The following UGCG variants were observed in gnomAD, a reference collection of about 807,000 sequenced individuals.
UGCG encodes UDP-glucose ceramide glucosyltransferase, also known as ceramide glucosyltransferase.
UGCG carries 10 observed loss-of-function variants against 49.5 expected under a neutral mutation model. The observed-to-expected ratio is 0.20, with a 90% confidence interval of 0.12 to 0.34. UGCG has a LOEUF of 0.34. UGCG is among the 10% of genes least tolerant of loss of function. The pLI is 1.00. For synonymous variants in UGCG, 182 were observed against 158.2 expected, an observed-to-expected ratio of 1.15 and a Z score of -1.13; for missense variants, 312 against 483.7, an observed-to-expected ratio of 0.65 and a Z score of 3.33.
chr9:111,910,546 T>G (rs973931678), intron 1 of UGCG, among the ~76,000 whole-genome samples: 7 of 152,172 alleles, frequency 4.6e-5, no homozygotes. Flanking sequence ...GTATTACTTG[T>G]CTTTTGAGTT....
At chr9:111,924,306 AATTAACAT>A (rs1160912280) in intron 3 of UGCG, among the ~76,000 whole-genome samples, 8 of 152,362 alleles carry the variant, frequency 5.3e-5, no homozygotes, top group African/African-American at 1.9e-4. Context: ...AAATTAAGTT[AATTAACAT>A]ATGCATTACC....
At chr9:111,916,342 C>G (rs1838109311) in intron 2 of UGCG, among the ~76,000 whole-genome samples, 1 of 152,156 alleles carries the variant, frequency 6.6e-6, no homozygotes, top group Non-Finnish European at 1.5e-5. Context: ...CTTTCACTTT[C>G]CCCATTCAAC....
At position 111,934,237 on chromosome 9, in the gene UGCG, G is replaced by C. The variant is rs1838476154; in HGVS notation, c.*1240G>C. 1.3e-5 allele frequency: 2 copies of C among 151,624 alleles called. No homozygotes were observed. The highest frequency in any genetic ancestry group is 1.3e-4 in the Admixed American group (2 of 15,224). The allele number at this position is 151,624 out of a possible 1,614,324, so 9.4% of individuals were successfully genotyped here. ...TTATATGACAAAATAGACTAGATCAGCGCTGGTTGTAAATGCATGCTGTAC... is the reference window on the plus strand; with the variant it reads ...TTATATGACAAAATAGACTAGATCACCGCTGGTTGTAAATGCATGCTGTAC... On this transcript the variant is annotated 3_prime_UTR_variant, in exon 9 of 9. Coordinates refer to ENST00000374279, the MANE Select transcript of UGCG (RefSeq NM_003358.3).
At chr9:111,931,099 C>T (rs1240126887) in intron 6 of UGCG, among the ~76,000 whole-genome samples, 172 bp from the exon 7 acceptor site, 1 of 152,164 alleles carries the variant, frequency 6.6e-6, no homozygotes, top group Non-Finnish European at 1.5e-5. Flanking sequence ...AGCATAATTG[C>T]TAAAACATCC....
chr9:111,918,724 G>A (rs1838155324), intron 2 of UGCG, among the ~76,000 whole-genome samples: 1 of 152,000 alleles, frequency 6.6e-6, no homozygotes, highest in Non-Finnish European at 1.5e-5. Context: ...ACGAGGTCAG[G>A]AGATCGAGAC....
At chr9:111,927,725 A>G (rs1351461422) in intron 5 of UGCG, among the ~76,000 whole-genome samples, 1 of 152,234 alleles carries the variant, frequency 6.6e-6, no homozygotes, top group Admixed American at 6.5e-5. Flanking sequence ...TGCTGGGATT[A>G]CAGGCGTGAG....
Position 111,933,174 on chromosome 9 carries a change from T to C in UGCG, c.*177T>C. On this transcript the variant is annotated 3_prime_UTR_variant, in exon 9 of 9. Coordinates refer to ENST00000374279, the MANE Select transcript of UGCG (RefSeq NM_003358.3). ...GTGAAAAAAAAAAAAAACACATCTG[T>C]AGTCTTGGCCAAATGATACACTTTA... 2.0e-6 allele frequency: 1 copy of C among 492,538 alleles called. No homozygotes were observed. The highest frequency in any genetic ancestry group is 3.1e-6 in the Non-Finnish European group (1 of 324,072). The allele number at this position is 492,538 out of a possible 1,614,324, so 30.5% of individuals were successfully genotyped here. A position where few individuals can be genotyped will look rare whatever the true frequency, so the allele number is the denominator to read the frequency against.
intron 5 of UGCG, among the ~76,000 whole-genome samples, chr9:111,927,731 G>T (rs566547693): frequency 6.6e-6 from 1 of 152,172 alleles, no homozygotes; most frequent in African/African-American, 2.4e-5. Context: ...GATTACAGGC[G>T]TGAGCCACCA....
intron 2 of UGCG, among the ~76,000 whole-genome samples, chr9:111,920,102 T>G (rs975684046): frequency 5.9e-5 from 9 of 152,150 alleles, no homozygotes; most frequent in African/African-American, 2.2e-4. Flanking sequence ...TTATCTGGTC[T>G]CTGGAGACCA....
At chr9:111,904,105 G>A (rs963715521) in intron 1 of UGCG, among the ~76,000 whole-genome samples, 1 of 152,188 alleles carries the variant, frequency 6.6e-6, no homozygotes, top group Non-Finnish European at 1.5e-5. Flanking sequence ...CCACAGTTGT[G>A]TCCAGCACCT....
chr9:111,926,475 C>A lies in UGCG; in HGVS notation c.537C>A (p.Gly179=). Reference sequence around the variant, plus strand: ...TGCCTTACGTAGCAGACAGACAGGGCTTTGCTGCCACCTTAGAGCAGGTGA... The same window carrying A: ...TGCCTTACGTAGCAGACAGACAGGGATTTGCTGCCACCTTAGAGCAGGTGA... ...HGLPYVADRQ[G]FAATLEQVYF... Residue 179 remains glycine (G), a synonymous_variant, in exon 5 of 9, where the codon GGC becomes GGA. Transcript: ENST00000374279. The A allele has an allele frequency of 1.2e-6, 2 of 1,609,652 alleles. No homozygotes were observed. The highest frequency in any genetic ancestry group is 1.7e-6 in the Non-Finnish European group (2 of 1,177,178).
rs763141861 is a variant in UGCG, at chr9:111,926,396, C to T, written c.458C>T (p.Thr153Met). Residue 153 changes from threonine (T) to methionine (M), a missense_variant, in exon 5 of 9, where the codon ACG becomes ATG. Thr to Met is a moderately conservative substitution (Grantham distance 81, BLOSUM62 -1). Transcript: ENST00000374279. ...CDSGIRVIPD[T>M]LTDMVNQMTE... ...TTTTAAATTGTAGTAATTCCAGATACGCTTACTGACATGGTGAATCAAATG... is the reference window on the plus strand; with the variant it reads ...TTTTAAATTGTAGTAATTCCAGATATGCTTACTGACATGGTGAATCAAATG... 5 of 1,607,562 alleles carry T rather than the reference C, an allele frequency of 3.1e-6. No homozygotes were observed. The highest frequency in any genetic ancestry group is 3.4e-6 in the Non-Finnish European group (4 of 1,176,240).
At chr9:111,927,043 G>A (rs1253462083) in intron 5 of UGCG, among the ~76,000 whole-genome samples, 1 of 151,236 alleles carries the variant, frequency 6.6e-6, no homozygotes, top group Non-Finnish European at 1.5e-5. Context: ...GCTAACTTTT[G>A]TATTTTTAGT....
chr9:111,929,452 C>G, intron 5 of UGCG, 48 bp from the exon 6 acceptor site: 1 of 1,564,320 alleles, frequency 6.4e-7, no homozygotes. Context: ...GAACACCATG[C>G]TTTTAACATG....
At chr9:111,902,556 A>G (rs1837796479) in intron 1 of UGCG, among the ~76,000 whole-genome samples, 3 of 152,248 alleles carry the variant, frequency 2.0e-5, no homozygotes, top group African/African-American at 4.8e-5. Context: ...GGACTATGTG[A>G]AGTTAGGGAC....
In UGCG at chr9:111,931,407, G is replaced by A. The variant is rs747225080; in HGVS notation, c.824+50G>A. On this transcript the variant is annotated intron_variant, in intron 7 of 8. Coordinates refer to ENST00000374279, the MANE Select transcript of UGCG (RefSeq NM_003358.3). ...ACTTCGTTAAAAGGAAAGTGGGGAG[G>A]GGGGTGGTAATTTTTACAGGTTTAA... 2.5e-6 allele frequency: 4 copies of A among 1,570,276 alleles called. No individual in the cohort carries two copies. The South Asian group carries it at 3.4e-5, about 13-fold the overall frequency.
At chr9:111,920,614 C>T (rs1180665066) in intron 2 of UGCG, among the ~76,000 whole-genome samples, 1 of 152,140 alleles carries the variant, frequency 6.6e-6, no homozygotes, top group South Asian at 2.1e-4. Flanking sequence ...ATCCACCTGC[C>T]CTGGCCTCCA....
chr9:111,909,466 G>C (rs941170061), intron 1 of UGCG, among the ~76,000 whole-genome samples: 1 of 152,172 alleles, frequency 6.6e-6, no homozygotes, highest in African/African-American at 2.4e-5. Context: ...CCTGTGGAAC[G>C]ATTCTCCAGA....
intron 1 of UGCG, among the ~76,000 whole-genome samples, chr9:111,900,527 C>G (rs1196615741): frequency 1.3e-5 from 2 of 152,028 alleles, no homozygotes; most frequent in Non-Finnish European, 2.9e-5. Flanking sequence ...GGGTCTTGCT[C>G]TGTTGCTTAG....
Sources: gnomAD v4.1 joint callset for allele counts (sites outside exome capture counted in the v4.1 genomes callset) on GRCh38, gnomAD v4.1.1 for gene constraint, MANE v1.5 for transcripts, NCBI Gene and HGNC (gene_info 2026-07-23, HGNC 2026-07-21) for gene names.